SYNPO: variants seen among roughly 807,000 people sequenced by gnomAD.
The protein encoded by SYNPO is synaptopodin.
In SYNPO, 19 loss-of-function variants were observed where a neutral mutation model predicts 49.5. The observed-to-expected ratio is 0.38, with a 90% CI of 0.27 to 0.56. The LOEUF (loss-of-function observed/expected upper bound fraction) is 0.56. Among genes scored for constraint, SYNPO ranks in the 20% least tolerant of loss-of-function variants. The probability of loss-of-function intolerance (pLI) is 0.68; values close to 1 mark genes in which losing one functional copy is unlikely to be tolerated. For missense variants in SYNPO, 1,131 were observed against 1,248.3 expected (o/e 0.91, Z 1.42); for synonymous variants, 536 against 548.0 (o/e 0.98, Z 0.31).
chr5:150,637,214 G>A (rs1757745421), upstream of SYNPO, among the ~76,000 whole-genome samples: 1 of 152,144 alleles, frequency 6.6e-6, no homozygotes, highest in African/African-American at 2.4e-5. Context: ...TCTGTGGGAG[G>A]AGCGGGCAGG....
At chr5:150,620,902 TTTCTTTCTTTCTTTCTTTC>T (rs1206568254) in intron 2 of SYNPO, among the ~76,000 whole-genome samples, 2,136 of 104,582 alleles carry the variant, frequency 0.02, 83 homozygotes, top group South Asian at 0.097. Flanking sequence ...TTTTTTTCTC[TTTCTTTCTTTCTTTCTTTC>T]TTTCTTTCTT....
intron 2 of SYNPO, among the ~76,000 whole-genome samples, chr5:150,632,160 TATAG>T (rs947197517): frequency 1.1e-4 from 17 of 152,122 alleles, no homozygotes; most frequent in African/African-American, 4.1e-4. Context: ...CCATCTCTAT[TATAG>T]ATAAATACTC....
chr5:150,612,733 T>C (rs1332706375), intron 1 of SYNPO, among the ~76,000 whole-genome samples: 1 of 152,204 alleles, frequency 6.6e-6, no homozygotes, highest in Non-Finnish European at 1.5e-5. Context: ...ACACTCCATA[T>C]ACATCAGCTA....
At chr5:150,590,763 C>T in the SYNPO span, among the ~76,000 whole-genome samples, 2 of 152,148 alleles carry the variant, frequency 1.3e-5, no homozygotes, top group African/African-American at 2.4e-5. Context: ...ATACTTAGCA[C>T]GGTGCCTGAC....
chr5:150,604,571 G>A (rs562640276), intron 1 of SYNPO, among the ~76,000 whole-genome samples: 1 of 152,172 alleles, frequency 6.6e-6, no homozygotes, highest in Non-Finnish European at 1.5e-5. Context: ...TTTAGGCGAG[G>A]AAAAACTGAA....
intron 2 of SYNPO, among the ~76,000 whole-genome samples, chr5:150,631,130 T>G (rs1179703152): frequency 6.6e-6 from 1 of 152,222 alleles, no homozygotes; most frequent in Non-Finnish European, 1.5e-5. Flanking sequence ...CAGTGTTTCA[T>G]GCATTTGCTC....
chr5:150,609,786 C>CAGG (rs1554107079), intron 1 of SYNPO, among the ~76,000 whole-genome samples: 3 of 105,358 alleles, frequency 2.8e-5, no homozygotes, highest in Admixed American at 1.8e-4. Flanking sequence ...GTGAATGTGG[C>CAGG]GGGGGGGGGC....
At chr5:150,602,179 GAGTCC>G (rs1756561039) in intron 1 of SYNPO, among the ~76,000 whole-genome samples, 1 of 152,196 alleles carries the variant, frequency 6.6e-6, no homozygotes, top group Non-Finnish European at 1.5e-5. Flanking sequence ...TAGGTGACCT[GAGTCC>G]TGGATCATCT....
At chr5:150,593,844 G>A in the SYNPO span, among the ~76,000 whole-genome samples, 6 of 152,298 alleles carry the variant, frequency 3.9e-5, no homozygotes, top group East Asian at 7.7e-4. Flanking sequence ...ATTCAGAGGC[G>A]GTGTCTGGGT....
chr5:150,601,328 G>A (rs1024207084), intron 1 of SYNPO: 1 of 152,236 alleles, frequency 6.6e-6, no homozygotes, highest in African/African-American at 2.4e-5. Context: ...CCCTGGCAGG[G>A]CCTGGCTGTC....
upstream of SYNPO, among the ~76,000 whole-genome samples, chr5:150,639,610 C>G (rs1020042861): frequency 3.9e-5 from 6 of 152,198 alleles, no homozygotes; most frequent in Non-Finnish European, 7.3e-5. Context: ...TTAGCTGCTT[C>G]TGTGTGCCTC....
At chr5:150,653,174 T>G (rs990187098) in intron 2 of SYNPO, 2 of 152,168 alleles carry the variant, frequency 1.3e-5, no homozygotes, top group African/African-American at 4.8e-5. Flanking sequence ...AAGTGAACAG[T>G]TCTGATTTCC....
In SYNPO at chr5:150,644,161, C is replaced by G. The variant is rs568936381; in HGVS notation, c.-333+3307C>G. ...CTGCCCTCCAGCGACAGAGCAAGAC[C>G]CTGTCTCAGAAAAAAAAAAAAAAAA... On this transcript the variant is annotated intron_variant, in intron 1 of 2. Coordinates refer to ENST00000307662, the MANE Select transcript of SYNPO (RefSeq NM_007286.6). 1.0e-4 allele frequency among the ~76,000 whole-genome samples: 14 copies of G among 139,078 alleles called. No individual in the cohort carries two copies. In the South Asian group the frequency reaches 3.2e-3, roughly 32 times the overall value. 91.2% of individuals were successfully genotyped at this position (139,078 alleles called of 152,430 possible).
chr5:150,638,306 C>T (rs1027914447), upstream of SYNPO, among the ~76,000 whole-genome samples: 5 of 152,194 alleles, frequency 3.3e-5, no homozygotes, highest in African/African-American at 1.2e-4. Flanking sequence ...CCCCTTAGGT[C>T]TAACACAGTG....
At chr5:150,589,163 G>C in the SYNPO span, among the ~76,000 whole-genome samples, 40 of 151,718 alleles carry the variant, frequency 2.6e-4, no homozygotes, top group Non-Finnish European at 5.3e-4. Context: ...CTGGGTTCAA[G>C]CAATTCTCCT....
intron 1 of SYNPO, among the ~76,000 whole-genome samples, chr5:150,645,934 A>G (rs1357189722): frequency 6.6e-6 from 1 of 152,226 alleles, no homozygotes; most frequent in Non-Finnish European, 1.5e-5. Context: ...TGAGTATTTA[A>G]GTAAAACTAG....
chr5:150,608,623 T>G (rs1372194830), intron 1 of SYNPO: 2 of 152,190 alleles, frequency 1.3e-5, no homozygotes, highest in Non-Finnish European at 2.9e-5. Flanking sequence ...GGGTCTGCAC[T>G]TTCCCCATCC....
the SYNPO span, among the ~76,000 whole-genome samples, chr5:150,587,883 T>G: frequency 6.6e-6 from 1 of 152,282 alleles, no homozygotes; most frequent in Non-Finnish European, 1.5e-5. Context: ...GACTCCATTT[T>G]CTCTTTAGAA....
At chr5:150,612,044 A>G (rs975599640) in intron 1 of SYNPO, among the ~76,000 whole-genome samples, 12 of 152,238 alleles carry the variant, frequency 7.9e-5, no homozygotes, top group Non-Finnish European at 1.5e-4. Flanking sequence ...GCCATGAGGA[A>G]GAAACCCCCA....
Sources: allele counts gnomAD v4.1 joint callset (sites outside exome capture counted in the v4.1 genomes callset), GRCh38; gene constraint gnomAD v4.1.1; transcripts MANE v1.5; gene names NCBI Gene and HGNC (gene_info 2026-07-23, HGNC 2026-07-21).